Variants in KLHL4 observed in about 807,000 individuals in gnomAD.
KLHL4 encodes kelch like family member 4.
A neutral mutation model predicts 45.8 loss-of-function variants in KLHL4; 17 were observed. The ratio of observed to expected loss-of-function variants is 0.37; its 90% CI spans 0.25 to 0.56. The LOEUF (loss-of-function observed/expected upper bound fraction) is 0.56, where lower values mean the gene tolerates loss of function less well. KLHL4 is among the 20% of genes least tolerant of loss of function. KLHL4 has a pLI of 0.79. For synonymous variants in KLHL4, 224 were observed against 189.9 expected, an observed-to-expected ratio of 1.18 and a Z score of -1.47; for missense variants, 544 against 544.9, an observed-to-expected ratio of 1.00 and a Z score of 0.02.
intron 10 of KLHL4, among the ~76,000 whole-genome samples, chrX:87,665,559 G>A (rs1401812932): frequency 3.6e-5 from 4 of 111,856 alleles, no homozygotes; most frequent in Non-Finnish European, 7.5e-5. Flanking sequence ...TCTTTGAGAT[G>A]TTAAAGGCAA....
At position 87,659,091 on chromosome X, in the gene KLHL4, A is replaced by ATATTTCTT. The variant is rs890492928; in HGVS notation, c.1926-5668_1926-5661dup. 5.0e-4 allele frequency among the ~76,000 whole-genome samples: 47 copies of ATATTTCTT among 94,757 alleles called. 2 individuals carry two copies. The South Asian group carries it at 0.022, about 44-fold the overall frequency. The allele number at this position is 94,757 out of a possible 115,157, so 82.3% of individuals were successfully genotyped here. A position where few individuals can be genotyped will look rare whatever the true frequency, so the allele number is the denominator to read the frequency against. ...CCCATAAGTCCCTTAGGCTCTATTC[A>ATATTTCTT]TATTTCTTTATTCTTTTCTTTCTTT... On this transcript the variant is annotated intron_variant, in intron 9 of 10. Coordinates refer to ENST00000373119, the MANE Select transcript of KLHL4 (RefSeq NM_019117.5).
chrX:87,668,087 C>CTATAGA lies in KLHL4; in HGVS notation c.*1555_*1560dup. 1 of 748,759 alleles carries CTATAGA rather than the reference C, an allele frequency of 1.3e-6. No homozygotes were observed. 61.7% of individuals were successfully genotyped at this position (748,759 alleles called of 1,213,427 possible). On this transcript the variant is annotated 3_prime_UTR_variant, in exon 11 of 11. Coordinates refer to ENST00000373119, the MANE Select transcript of KLHL4 (RefSeq NM_019117.5). The stretch of plus-strand genomic sequence containing the variant: ...ATTGTCTCTAATTCTAAAGAGAGAG[C>CTATAGA]TATAGATTTCTGCAGTTCTAGAGGT...
At chrX:87,627,124 TGGTCTGTATCAGCATCC>T (rs1184395212) in intron 6 of KLHL4, among the ~76,000 whole-genome samples, 1 of 111,796 alleles carries the variant, frequency 8.9e-6, no homozygotes, top group African/African-American at 3.3e-5. Context: ...CAGAGGTGTC[TGGTCTGTATCAGCATCC>T]GGCCCCTGAA....
intron 9 of KLHL4, among the ~76,000 whole-genome samples, chrX:87,644,388 G>A (rs1275759219): frequency 9.0e-6 from 1 of 110,945 alleles, no homozygotes; most frequent in Non-Finnish European, 1.9e-5. Flanking sequence ...ACAAAATACT[G>A]CTGAAAGAAA....
intron 1 of KLHL4, among the ~76,000 whole-genome samples, chrX:87,588,867 AAAAT>A (rs1458706897): frequency 1.4e-4 from 16 of 111,020 alleles, no homozygotes; most frequent in Non-Finnish European, 3.8e-5. Context: ...AAGAGGAAGA[AAAAT>A]AAGATTATTT....
intron 6 of KLHL4, among the ~76,000 whole-genome samples, chrX:87,631,208 A>G (rs1923085419): frequency 9.0e-6 from 1 of 111,470 alleles, no homozygotes; most frequent in Non-Finnish European, 1.9e-5. Flanking sequence ...TACACGTGGT[A>G]ACAATAAAAG....
intron 1 of KLHL4, among the ~76,000 whole-genome samples, chrX:87,533,715 T>G (rs1388961318): frequency 9.1e-6 from 1 of 110,142 alleles, no homozygotes; most frequent in Non-Finnish European, 1.9e-5. Flanking sequence ...AATAATAAAA[T>G]AAAATAAAAA....
At chrX:87,655,925 T>C (rs1255039981) in intron 9 of KLHL4, among the ~76,000 whole-genome samples, 1 of 111,683 alleles carries the variant, frequency 9.0e-6, no homozygotes, top group African/African-American at 3.3e-5. Context: ...CAAAATACTT[T>C]ATTTCTTCTT....
At chrX:87,643,898 C>A (rs924750265) in intron 9 of KLHL4, among the ~76,000 whole-genome samples, 4 of 111,606 alleles carry the variant, frequency 3.6e-5, no homozygotes, top group Admixed American at 9.5e-5. Context: ...AAGGGACATA[C>A]CTTAATGTAA....
At chrX:87,626,261 C>T (rs922254929) in intron 6 of KLHL4, among the ~76,000 whole-genome samples, 7 of 111,222 alleles carry the variant, frequency 6.3e-5, no homozygotes, top group East Asian at 2.8e-4. Context: ...TGTCCGGAAA[C>T]GCGAGACAAC....
chrX:87,570,468 C>T (rs1215256327), intron 1 of KLHL4, among the ~76,000 whole-genome samples: 1 of 110,240 alleles, frequency 9.1e-6, no homozygotes, highest in Non-Finnish European at 1.9e-5. Context: ...CTGAGAATGA[C>T]CGTATCATTT....
At chrX:87,614,292 A>G (rs1922481488) in intron 2 of KLHL4, 142 bp from the exon 3 acceptor site, 2 of 612,163 alleles carry the variant, frequency 3.3e-6, no homozygotes, top group Non-Finnish European at 5.0e-6. Flanking sequence ...TGACCTTTCT[A>G]ACTTCACTAC....
At chrX:87,640,710 A>G (rs1024481601) in intron 9 of KLHL4, among the ~76,000 whole-genome samples, 26 of 111,970 alleles carry the variant, frequency 2.3e-4, no homozygotes, top group African/African-American at 7.5e-4. Context: ...AAAGCCATCT[A>G]TGACAAACCC....
At chrX:87,631,065 C>T (rs1398107886) in intron 6 of KLHL4, among the ~76,000 whole-genome samples, 5 of 111,477 alleles carry the variant, frequency 4.5e-5, no homozygotes, top group African/African-American at 1.3e-4. Context: ...CTACATAGGG[C>T]GCAAAAGACT....
At chrX:87,533,498 G>A (rs756328382) in intron 1 of KLHL4, among the ~76,000 whole-genome samples, 23 of 97,952 alleles carry the variant, frequency 2.3e-4, no homozygotes, top group Non-Finnish European at 4.0e-4. Flanking sequence ...GGTGGGAATT[G>A]AACAATGAGA....
intron 1 of KLHL4, among the ~76,000 whole-genome samples, chrX:87,610,988 C>A (rs149971161): frequency 0.021 from 2,291 of 110,833 alleles, 27 homozygotes; most frequent in Non-Finnish European, 0.03. Context: ...GCATGAGAAT[C>A]GCTTGAACCC....
chrX:87,545,023 C>T (rs1033613717), intron 1 of KLHL4, among the ~76,000 whole-genome samples: 1 of 112,052 alleles, frequency 8.9e-6, no homozygotes, highest in African/African-American at 3.2e-5. Context: ...TTCAAAATAG[C>T]TGTGTTGATG....
At chrX:87,591,551 T>C (rs1374865422) in intron 1 of KLHL4, among the ~76,000 whole-genome samples, 1 of 111,546 alleles carries the variant, frequency 9.0e-6, no homozygotes, top group East Asian at 2.8e-4. Flanking sequence ...TGGATATCAA[T>C]CCCTTGTCAG....
chrX:87,538,248 G>C (rs1931475386), intron 1 of KLHL4, among the ~76,000 whole-genome samples: 1 of 111,310 alleles, frequency 9.0e-6, no homozygotes, highest in Non-Finnish European at 1.9e-5. Context: ...AAGTCCACAT[G>C]AATCAAAGGG....
Sources: allele counts gnomAD v4.1 joint callset (sites outside exome capture counted in the v4.1 genomes callset), GRCh38; gene constraint gnomAD v4.1.1; transcripts MANE v1.5; gene names NCBI Gene and HGNC (gene_info 2026-07-23, HGNC 2026-07-21).